The following ALK variants were observed in gnomAD, a reference collection of about 807,000 sequenced individuals.
ALK encodes ALK receptor tyrosine kinase, also known as ALK tyrosine kinase receptor.
ALK carries 74 observed loss-of-function variants against 163.1 expected under a neutral mutation model. That is an observed-to-expected ratio of 0.45 (90% CI 0.38 to 0.55). ALK has a LOEUF of 0.55. Among genes scored for constraint, ALK ranks in the 20% least tolerant of loss-of-function variants. The probability of loss-of-function intolerance (pLI) is 0.00; values close to 1 mark genes in which losing one functional copy is unlikely to be tolerated. For missense variants in ALK, 2,063 were observed against 2,105.3 expected, an observed-to-expected ratio of 0.98 and a Z score of 0.39; for synonymous variants, 960 against 843.2, an observed-to-expected ratio of 1.14 and a Z score of -2.40.
intron 9 of ALK, among the ~76,000 whole-genome samples, chr2:29,277,429 CTG>C (rs1028740302): frequency 6.6e-6 from 1 of 152,230 alleles, no homozygotes; most frequent in Non-Finnish European, 1.5e-5. Context: ...ATCCGAATAA[CTG>C]TGATCGATTA....
At chr2:29,228,705 GCT>G (rs1664087592) in intron 16 of ALK, among the ~76,000 whole-genome samples, 177 bp downstream of exon 16, 1 of 149,176 alleles carries the variant, frequency 6.7e-6, no homozygotes, top group Admixed American at 6.6e-5. Context: ...CAGGGTGCTG[GCT>G]CGAAAGCCAG....
In ALK at chr2:29,705,254, TATATATATATATATATATATATATATAA is replaced by T. The variant is rs1381701836; in HGVS notation, c.788-10268_788-10241del. Reference sequence around the variant, plus strand: ...AAAAGAAAAGAAATATATATATATATATATATATATATATATATATATATATAAATATATATCTGCTGTGATGATTGCA... The same window carrying T: ...AAAAGAAAAGAAATATATATATATATATATATATCTGCTGTGATGATTGCA... On this transcript the variant is annotated intron_variant, in intron 2 of 28. Transcript: ENST00000389048. Among the ~76,000 whole-genome samples, 172 of 41,776 alleles carry T rather than the reference TATATATATATATATATATATATATATAA, an allele frequency of 4.1e-3. 4 individuals carry two copies. Among genetic ancestry groups the T allele is most frequent in the South Asian group, 5.7e-3 (7 of 1,230 alleles). 27.4% of individuals were successfully genotyped at this position (41,776 alleles called of 152,430 possible).
At chr2:29,461,644 A>C (rs1671086609) in intron 4 of ALK, among the ~76,000 whole-genome samples, 1 of 152,170 alleles carries the variant, frequency 6.6e-6, no homozygotes, top group African/African-American at 2.4e-5. Context: ...AGAGAAAAAG[A>C]TTCCTTTAAA....
At chr2:29,247,144 A>C (rs1246310499) in intron 12 of ALK, among the ~76,000 whole-genome samples, 1 of 148,250 alleles carries the variant, frequency 6.7e-6, no homozygotes, top group Non-Finnish European at 1.5e-5. Context: ...AGCGCCTTTT[A>C]CCCCGGCCTC....
chr2:29,469,140 T>C (rs1671286461), intron 4 of ALK, among the ~76,000 whole-genome samples: 1 of 152,144 alleles, frequency 6.6e-6, no homozygotes, highest in African/African-American at 2.4e-5. Flanking sequence ...CTATGAAGCT[T>C]TCCTAAAGGA....
chr2:29,736,221 C>T (rs1389116816), intron 1 of ALK, among the ~76,000 whole-genome samples: 2 of 151,974 alleles, frequency 1.3e-5, no homozygotes, highest in Non-Finnish European at 2.9e-5. Flanking sequence ...TGGAAAATTA[C>T]ATATATTGTA....
intron 3 of ALK, among the ~76,000 whole-genome samples, chr2:29,658,313 G>A (rs980398351): frequency 6.6e-6 from 1 of 152,138 alleles, no homozygotes; most frequent in Non-Finnish European, 1.5e-5. Context: ...TGGAGCTATG[G>A]TAAGGTGCCT....
chr2:29,660,686 A>AC (rs1677320975), intron 3 of ALK, among the ~76,000 whole-genome samples: 1 of 29,540 alleles, frequency 3.4e-5, no homozygotes, highest in Non-Finnish European at 1.6e-4. Flanking sequence ...AGAAAGGGGG[A>AC]AAAAGGGGTG....
intron 1 of ALK, among the ~76,000 whole-genome samples, chr2:29,744,590 T>C (rs917415486): frequency 3.9e-5 from 6 of 152,030 alleles, no homozygotes; most frequent in African/African-American, 1.4e-4. Context: ...CTGACTTTTC[T>C]GGGAAATTAT....
At chr2:29,609,853 G>C (rs896751142) in intron 3 of ALK, among the ~76,000 whole-genome samples, 1 of 151,878 alleles carries the variant, frequency 6.6e-6, no homozygotes, top group South Asian at 2.1e-4. Flanking sequence ...TGTTGCCCAG[G>C]CTGGTCTTGA....
chr2:29,543,477 T>C (rs1673468995), intron 3 of ALK, among the ~76,000 whole-genome samples: 1 of 152,182 alleles, frequency 6.6e-6, no homozygotes, highest in Non-Finnish European at 1.5e-5. Context: ...TCACCCTGAG[T>C]ATGAACACTC....
intron 4 of ALK, among the ~76,000 whole-genome samples, chr2:29,420,959 C>T (rs1018064331): frequency 1.5e-4 from 23 of 151,518 alleles, no homozygotes; most frequent in Non-Finnish European, 2.2e-4. Flanking sequence ...CGCATGTTCT[C>T]CCCATCACAG....
chr2:29,832,002 C>T (rs1276070930), intron 1 of ALK, among the ~76,000 whole-genome samples: 2 of 152,116 alleles, frequency 1.3e-5, no homozygotes, highest in African/African-American at 2.4e-5. Flanking sequence ...ATACTGAATA[C>T]GATTTATGAA....
chr2:29,445,384 C>A (rs1489864742), intron 4 of ALK, among the ~76,000 whole-genome samples: 1 of 152,168 alleles, frequency 6.6e-6, no homozygotes, highest in Non-Finnish European at 1.5e-5. Flanking sequence ...AAATAACTGT[C>A]TCAAACTATA....
chr2:29,739,363 T>A (rs567623762), intron 1 of ALK, among the ~76,000 whole-genome samples: 1 of 145,118 alleles, frequency 6.9e-6, no homozygotes, highest in Non-Finnish European at 1.5e-5. Flanking sequence ...ATTGAGACCA[T>A]CCTGGCCAAC....
intron 4 of ALK, among the ~76,000 whole-genome samples, chr2:29,524,683 G>A (rs1389171744): frequency 1.3e-5 from 2 of 152,356 alleles, no homozygotes; most frequent in East Asian, 3.9e-4. Flanking sequence ...AAGGAGGGCT[G>A]TGGCTCTGTT....
At chr2:29,669,871 GC>G (rs200850185) in intron 3 of ALK, among the ~76,000 whole-genome samples, 415 of 45,504 alleles carry the variant, frequency 9.1e-3, no homozygotes, top group African/African-American at 0.061. Flanking sequence ...AAAAACAAAG[GC>G]AAAAAAAAAC....
At chr2:29,503,725 A>G (rs1250269336) in intron 4 of ALK, among the ~76,000 whole-genome samples, 1 of 152,108 alleles carries the variant, frequency 6.6e-6, no homozygotes, top group Non-Finnish European at 1.5e-5. Context: ...CATGGCTGGG[A>G]TGTGGGCATG....
intron 1 of ALK, among the ~76,000 whole-genome samples, chr2:29,825,550 C>T (rs558493095): frequency 6.6e-6 from 1 of 152,280 alleles, no homozygotes; most frequent in East Asian, 1.9e-4. Flanking sequence ...GCAGGGAATA[C>T]TGGCAGGTGA....
Sources: gnomAD v4.1 joint callset for allele counts (sites outside exome capture counted in the v4.1 genomes callset) on GRCh38, gnomAD v4.1.1 for gene constraint, MANE v1.5 for transcripts, NCBI Gene and HGNC (gene_info 2026-07-23, HGNC 2026-07-21) for gene names.